KLHL32: variants seen among roughly 807,000 people sequenced by gnomAD.
The protein encoded by KLHL32 is kelch-like protein 32.
In KLHL32, 35 loss-of-function variants were observed where a neutral mutation model predicts 64.8. The observed-to-expected ratio is 0.54, with a 90% confidence interval of 0.41 to 0.72. The LOEUF is 0.72. Among genes scored for constraint, KLHL32 ranks in the 30% least tolerant of loss-of-function variants. KLHL32 has a pLI of 0.00. For synonymous variants in KLHL32, 259 were observed against 281.0 expected, an observed-to-expected ratio of 0.92 and a Z score of 0.78; for missense variants, 589 against 768.5, an observed-to-expected ratio of 0.77 and a Z score of 2.76.
intron 1 of KLHL32, among the ~76,000 whole-genome samples, chr6:96,938,477 A>C (rs1212737102): frequency 6.6e-6 from 1 of 152,108 alleles, no homozygotes; most frequent in Non-Finnish European, 1.5e-5. Context: ...CCTCATCAGC[A>C]TTCTCTGTGC....
At chr6:97,081,862 T>C (rs1001183154) in intron 5 of KLHL32, among the ~76,000 whole-genome samples, 18 of 152,224 alleles carry the variant, frequency 1.2e-4, no homozygotes, top group African/African-American at 4.3e-4. Flanking sequence ...GCTGTAGTCC[T>C]GGCACATGGT....
At chr6:97,092,481 A>G (rs1186620623) in intron 6 of KLHL32, among the ~76,000 whole-genome samples, 1 of 152,124 alleles carries the variant, frequency 6.6e-6, no homozygotes, top group Non-Finnish European at 1.5e-5. Context: ...GTTTCTCCCA[A>G]CTACATACAG....
intron 6 of KLHL32, among the ~76,000 whole-genome samples, chr6:97,092,253 T>A (rs1455854791): frequency 6.6e-6 from 1 of 152,186 alleles, no homozygotes; most frequent in Non-Finnish European, 1.5e-5. Flanking sequence ...CCTCCCAAAG[T>A]GCTGGGATTA....
chr6:96,968,158 C>T (rs948884500), intron 2 of KLHL32, among the ~76,000 whole-genome samples: 20 of 152,202 alleles, frequency 1.3e-4, no homozygotes, highest in South Asian at 1.2e-3. Flanking sequence ...GCAGGTGTAA[C>T]GCCTCTGCAC....
At chr6:97,099,227 C>A (rs1562335329) in intron 6 of KLHL32, among the ~76,000 whole-genome samples, 1 of 152,246 alleles carries the variant, frequency 6.6e-6, no homozygotes, top group Non-Finnish European at 1.5e-5. Context: ...ACTCTGTCCA[C>A]CCAGACTGCA....
Position 97,091,981 on chromosome 6 carries a change from CTT to C in KLHL32, c.627+6655_627+6656del, listed in dbSNP as rs11340950. Reference sequence around the variant, plus strand: ...TGCCCTTCTTCAATTCTCTTTCTTTCTTTTTTTTTTTTTTTTGTTGTTGTTGA... The same window carrying C: ...TGCCCTTCTTCAATTCTCTTTCTTTCTTTTTTTTTTTTTTGTTGTTGTTGA... On this transcript the variant is annotated intron_variant, in intron 6 of 10. Transcript: ENST00000369261. Among the ~76,000 whole-genome samples the C allele has an allele frequency of 3.2e-3, 425 of 132,334 alleles. 1 individual carries two copies. The highest frequency in any genetic ancestry group is 7.7e-3 in the African/African-American group (283 of 36,792). 86.8% of individuals were successfully genotyped at this position (132,334 alleles called of 152,430 possible).
At chr6:97,105,580 T>C in intron 6 of KLHL32, 1 of 464,900 alleles carries the variant, frequency 2.2e-6, no homozygotes, top group Non-Finnish European at 4.5e-6. Context: ...AAGGGCTCCG[T>C]GTGCACCTTC....
Position 97,132,757 on chromosome 6 carries a change from A to G in KLHL32, c.1701+10A>G. 6.3e-7 allele frequency: 1 copy of G among 1,586,182 alleles called. No individual in the cohort carries two copies. The highest frequency in any genetic ancestry group is 8.6e-7 in the Non-Finnish European group (1 of 1,161,758). On this transcript the variant is annotated intron_variant, in intron 10 of 10. Coordinates refer to ENST00000369261, the MANE Select transcript of KLHL32 (RefSeq NM_052904.4). ...TCTGGCTTGTATCCAGGTGAGTGGT[A>G]GAAGTTCCTTTTGAAGTTTGTTCAA... is the stretch of plus-strand genomic sequence containing the variant.
In KLHL32 at chr6:97,140,559, C is replaced by T. The variant is rs1265652536; in HGVS notation, c.*1277C>T. 1 of 151,866 alleles carries T rather than the reference C, an allele frequency of 6.6e-6. No homozygotes were observed. The highest frequency in any genetic ancestry group is 1.5e-5 in the Non-Finnish European group (1 of 67,830). 9.4% of individuals were successfully genotyped at this position (151,866 alleles called of 1,614,324 possible). A position where few individuals can be genotyped will look rare whatever the true frequency, so the allele number is the denominator to read the frequency against. ...TAATCACATTTGAAAACAAATTTAA[C>T]AAGTATAATGTGAGTTTTTCTTTTT... On this transcript the variant is annotated 3_prime_UTR_variant, in exon 11 of 11. Transcript: ENST00000369261.
upstream of KLHL32, among the ~76,000 whole-genome samples, chr6:96,920,283 T>C (rs1768712281): frequency 6.6e-6 from 1 of 152,220 alleles, no homozygotes; most frequent in South Asian, 2.1e-4. Flanking sequence ...CTGTTGGCAC[T>C]GAGTCTTCAT....
intron 3 of KLHL32, among the ~76,000 whole-genome samples, chr6:96,995,679 C>G (rs917487399): frequency 2.6e-5 from 4 of 152,172 alleles, no homozygotes; most frequent in African/African-American, 9.7e-5. Context: ...TTCTTTCCAC[C>G]TGTAACTTCC....
At chr6:96,968,611 C>G (rs1325032916) in intron 2 of KLHL32, among the ~76,000 whole-genome samples, 1 of 152,128 alleles carries the variant, frequency 6.6e-6, no homozygotes, top group Non-Finnish European at 1.5e-5. Context: ...CAACTGTCTT[C>G]CACAGTGCAG....
chr6:97,082,380 G>C (rs535060960), intron 5 of KLHL32, among the ~76,000 whole-genome samples: 3 of 152,178 alleles, frequency 2.0e-5, no homozygotes, highest in Admixed American at 6.5e-5. Context: ...TTGGGAGGCC[G>C]AGGCGGGCGG....
chr6:96,982,149 G>T (rs550227887), intron 3 of KLHL32, among the ~76,000 whole-genome samples: 19 of 152,218 alleles, frequency 1.2e-4, no homozygotes, highest in African/African-American at 4.1e-4. Context: ...TATCAGTGAG[G>T]TGTTGAAGTC....
intron 2 of KLHL32, among the ~76,000 whole-genome samples, chr6:96,972,314 A>C (rs1775201305): frequency 6.6e-6 from 1 of 152,104 alleles, no homozygotes; most frequent in Non-Finnish European, 1.5e-5. Flanking sequence ...TGTATGGTAC[A>C]TCTCAATTTG....
chr6:96,948,314 G>T (rs866279931), intron 1 of KLHL32, among the ~76,000 whole-genome samples: 4 of 152,154 alleles, frequency 2.6e-5, no homozygotes, highest in African/African-American at 9.6e-5. Flanking sequence ...ACTTGAGGTT[G>T]GTTCATATCC....
At chr6:97,091,981 C>CTT (rs11340950) in intron 6 of KLHL32, among the ~76,000 whole-genome samples, 17 of 132,366 alleles carry the variant, frequency 1.3e-4, no homozygotes, top group South Asian at 2.4e-4. Flanking sequence ...CTCTTTCTTT[C>CTT]TTTTTTTTTT....
At chr6:97,017,031 T>C (rs1299082755) in intron 3 of KLHL32, among the ~76,000 whole-genome samples, 1 of 152,228 alleles carries the variant, frequency 6.6e-6, no homozygotes, top group Non-Finnish European at 1.5e-5. Context: ...TCTTCCTTTA[T>C]AAATTACCCA....
intron 2 of KLHL32, among the ~76,000 whole-genome samples, chr6:96,973,977 C>T (rs1775419587): frequency 6.6e-6 from 1 of 152,104 alleles, no homozygotes; most frequent in Non-Finnish European, 1.5e-5. Context: ...CTGCCTCAGC[C>T]TGCCAAAGTA....
Sources: gnomAD v4.1 joint callset for allele counts (sites outside exome capture counted in the v4.1 genomes callset) on GRCh38, gnomAD v4.1.1 for gene constraint, MANE v1.5 for transcripts, NCBI Gene and HGNC (gene_info 2026-07-23, HGNC 2026-07-21) for gene names.